METTL25: variants seen among roughly 807,000 people sequenced by gnomAD.
The protein encoded by METTL25 is methyltransferase like 25.
A neutral mutation model predicts 71.6 loss-of-function variants in METTL25; 64 were observed. The observed-to-expected ratio is 0.89, with a 90% confidence interval of 0.73 to 1.10. The LOEUF (loss-of-function observed/expected upper bound fraction) is 1.10. Among genes scored for constraint, METTL25 ranks in the 50% least tolerant of loss-of-function variants. METTL25 has a pLI of 0.00. For synonymous variants in METTL25, 287 were observed against 250.3 expected (o/e 1.15, Z -1.38); for missense variants, 807 against 707.0 (o/e 1.14, Z -1.60).
At chr12:82,389,768 A>C in intron 2 of METTL25, 48 bp from the exon 3 acceptor site, 1 of 1,066,734 alleles carries the variant, frequency 9.4e-7, no homozygotes, top group Non-Finnish European at 1.4e-6. Context: ...GATAATTCCT[A>C]CTAAATTTTG....
chr12:82,447,611 G>A (rs1890847087), intron 8 of METTL25, among the ~76,000 whole-genome samples: 1 of 152,132 alleles, frequency 6.6e-6, no homozygotes, highest in Non-Finnish European at 1.5e-5. Flanking sequence ...AAGATTCAAT[G>A]TCATAGTTTC....
chr12:82,419,760 G>A (rs77071626), intron 5 of METTL25, among the ~76,000 whole-genome samples: 2,807 of 151,070 alleles, frequency 0.019, 85 homozygotes, highest in African/African-American at 0.065. Flanking sequence ...TACACTGTTG[G>A]GAGGAATGTA....
intron 7 of METTL25, among the ~76,000 whole-genome samples, chr12:82,435,711 C>T (rs1190471568): frequency 6.6e-6 from 1 of 151,250 alleles, no homozygotes; most frequent in Admixed American, 6.6e-5. Context: ...TAATACCTTC[C>T]TATAGGGTTG....
chr12:82,358,728 C>G lies in METTL25; in HGVS notation c.163C>G (p.Pro55Ala), dbSNP rs774246419. ...SVWEELVDLPPETVLAALRKS... is the reference protein window; with the variant it reads ...SVWEELVDLPAETVLAALRKS... ...GTGGGAGGAGCTGGTCGACTTGCCA[C>G]CGGAGACAGTGCTGGCTGCGCTGAG... is the stretch of plus-strand genomic sequence containing the variant. Residue 55 changes from proline (P) to alanine (A), a missense_variant, in exon 1 of 12, where the codon CCG becomes GCG. By Grantham distance (27) the Pro-to-Ala change is conservative (BLOSUM62 -1). Transcript: ENST00000248306. 6.2e-6 allele frequency: 10 copies of G among 1,614,142 alleles called. No homozygotes were observed. Among genetic ancestry groups the G allele is most frequent in the Non-Finnish European group, 8.5e-6 (10 of 1,180,042 alleles).
chr12:82,444,722 A>G (rs192713610), intron 8 of METTL25, among the ~76,000 whole-genome samples: 2 of 152,188 alleles, frequency 1.3e-5, no homozygotes, highest in Admixed American at 1.3e-4. Context: ...TTCCTTACCA[A>G]TCAATAGCAT....
chr12:82,459,810 A>G (rs1340950620), intron 9 of METTL25: 1 of 152,212 alleles, frequency 6.6e-6, no homozygotes, highest in African/African-American at 2.4e-5. Context: ...GATCAGTTAC[A>G]TGCAAAATGA....
Position 82,476,692 on chromosome 12 carries a change from A to G in METTL25, c.1621A>G (p.Met541Val), listed in dbSNP as rs149909848. The change falls in exon 10 of 12, where the codon ATG becomes GTG. Residue 541 changes from methionine to valine, a missense_variant. By Grantham distance (21) the Met-to-Val change is conservative (BLOSUM62 1). Transcript: ENST00000248306. ...CTACTACGAGAAGTATAAGCCTCGA[A>G]TGAATGAGCTGGAAGCTTTTAATAT... ...MNYYEKYKPR[M>V]NELEAFNMLK... 1.0e-4 allele frequency: 165 copies of G among 1,599,292 alleles called. No individual in the cohort carries two copies. The highest frequency in any genetic ancestry group is 5.8e-4 in the African/African-American group (43 of 74,212).
chr12:82,427,302 C>T (rs1252087133), intron 5 of METTL25, among the ~76,000 whole-genome samples: 1 of 151,836 alleles, frequency 6.6e-6, no homozygotes, highest in African/African-American at 2.4e-5. Context: ...TAAGAAGTCA[C>T]CCCAAAACTC....
chr12:82,373,245 A>G (rs938360974), intron 1 of METTL25, among the ~76,000 whole-genome samples: 10 of 152,156 alleles, frequency 6.6e-5, no homozygotes, highest in Admixed American at 5.9e-4. Context: ...GGGTTGGAAG[A>G]GTGACACCTT....
At chr12:82,455,291 G>T (rs995451779) in intron 8 of METTL25, among the ~76,000 whole-genome samples, 2 of 151,664 alleles carry the variant, frequency 1.3e-5, no homozygotes, top group Non-Finnish European at 3.0e-5. Flanking sequence ...TCTATTATAT[G>T]GTATCTGTTA....
intron 5 of METTL25, among the ~76,000 whole-genome samples, chr12:82,426,751 A>G (rs1487526653): frequency 6.6e-6 from 1 of 151,934 alleles, no homozygotes; most frequent in Non-Finnish European, 1.5e-5. Context: ...GCTGGCTTCC[A>G]TCTGTATCAC....
At chr12:82,359,321 G>A (rs1286468337) in intron 1 of METTL25, among the ~76,000 whole-genome samples, 2 of 152,186 alleles carry the variant, frequency 1.3e-5, no homozygotes, top group Non-Finnish European at 2.9e-5. Flanking sequence ...CCACAGGGAG[G>A]GGTTGCAGGC....
intron 3 of METTL25, among the ~76,000 whole-genome samples, chr12:82,393,688 G>A (rs1885812859): frequency 6.6e-6 from 1 of 151,988 alleles, no homozygotes; most frequent in Non-Finnish European, 1.5e-5. Flanking sequence ...GGGCATTCTT[G>A]TCCTGTTCCA....
chr12:82,413,758 T>G (rs1299789759), intron 5 of METTL25, among the ~76,000 whole-genome samples: 1 of 152,016 alleles, frequency 6.6e-6, no homozygotes, highest in Non-Finnish European at 1.5e-5. Flanking sequence ...ACATTTACTT[T>G]TAGTATCTTT....
intron 9 of METTL25, among the ~76,000 whole-genome samples, chr12:82,460,773 A>G (rs957196359): frequency 3.3e-5 from 5 of 152,234 alleles, no homozygotes; most frequent in African/African-American, 7.2e-5. Flanking sequence ...ACATTAAATA[A>G]AAACTAAAGA....
At chr12:82,469,527 G>A (rs1892447254) in intron 9 of METTL25, among the ~76,000 whole-genome samples, 1 of 151,866 alleles carries the variant, frequency 6.6e-6, no homozygotes, top group African/African-American at 2.4e-5. Context: ...AAAATAGCAT[G>A]GGGGAAACTG....
intron 1 of METTL25, among the ~76,000 whole-genome samples, chr12:82,360,226 G>A (rs539090841): frequency 1.3e-5 from 2 of 152,294 alleles, no homozygotes; most frequent in South Asian, 2.1e-4. Flanking sequence ...CAATGGTAGA[G>A]TCAGATTGTC....
At position 82,430,961 on chromosome 12, in the gene METTL25, C is replaced by T. The variant is rs765941599; in HGVS notation, c.1348C>T (p.Arg450Cys). 14 of 1,596,574 alleles carry T rather than the reference C, an allele frequency of 8.8e-6. No homozygotes were observed. Among genetic ancestry groups the T allele is most frequent in the Non-Finnish European group, 1.2e-5 (14 of 1,169,308 alleles). Residue 450 changes from arginine to cysteine, a missense_variant, in exon 6 of 12, where the codon CGT becomes TGT. Transcript: ENST00000248306. Reference sequence around the variant, plus strand: ...AAAGGAAGAGAGATGGTGCTGTGGTCGTAATGCCAGAATGTCAGCATGTTT... The same window carrying T: ...AAAGGAAGAGAGATGGTGCTGTGGTTGTAATGCCAGAATGTCAGCATGTTT... Reference protein sequence around the residue: ...YLKEERWCCGRNARMSACLAL... With the variant: ...YLKEERWCCGCNARMSACLAL...
At chr12:82,408,600 G>GTGTGTC (rs1887292221) in intron 5 of METTL25, among the ~76,000 whole-genome samples, 2 of 149,798 alleles carry the variant, frequency 1.3e-5, no homozygotes, top group South Asian at 4.2e-4. Context: ...GTGACTCCGT[G>GTGTGTC]TGTGTGTGTG....
Sources: gnomAD v4.1 joint callset for allele counts (sites outside exome capture counted in the v4.1 genomes callset) on GRCh38, gnomAD v4.1.1 for gene constraint, MANE v1.5 for transcripts, NCBI Gene and HGNC (gene_info 2026-07-23, HGNC 2026-07-21) for gene names.